The following MAP3K8 variants were observed in gnomAD, a reference collection of about 807,000 sequenced individuals.
The protein encoded by MAP3K8 is mitogen-activated protein kinase kinase kinase 8.
MAP3K8 carries 22 observed loss-of-function variants against 45.8 expected under a neutral mutation model. That is an observed-to-expected ratio of 0.48 (90% CI 0.34 to 0.69). The LOEUF is 0.69. MAP3K8 is among the 30% of genes least tolerant of loss of function. The probability of loss-of-function intolerance (pLI) is 0.01; values close to 1 mark genes in which losing one functional copy is unlikely to be tolerated. For synonymous variants in MAP3K8, 223 were observed against 214.3 expected (o/e 1.04, Z -0.36); for missense variants, 419 against 585.0 (o/e 0.72, Z 2.93).
intron 4 of MAP3K8, 124 bp from the exon 5 acceptor site, chr10:30,450,134 C>G: frequency 1.2e-6 from 1 of 830,188 alleles, no homozygotes; most frequent in Non-Finnish European, 1.8e-6. Context: ...AGTCCATTTT[C>G]ACACAGGGCA....
rs1020143600 is a variant in MAP3K8, at chr10:30,461,055, G to T, written c.*219G>T. On this transcript the variant is annotated 3_prime_UTR_variant, in exon 9 of 9. Transcript: ENST00000263056. ...TCAAGGTTCTCATTTCTCAGGTGACGTGATTCTAAGGCAGGAATTTGAGAG... is the reference window on the plus strand; with the variant it reads ...TCAAGGTTCTCATTTCTCAGGTGACTTGATTCTAAGGCAGGAATTTGAGAG... The T allele has an allele frequency of 9.0e-6, 4 of 445,044 alleles. No homozygotes were observed. Among genetic ancestry groups the T allele is most frequent in the African/African-American group, 4.0e-5 (2 of 49,492 alleles). The allele number at this position is 445,044 out of a possible 1,614,324, so 27.6% of individuals were successfully genotyped here.
Position 30,437,200 on chromosome 10 carries a change from G to C in MAP3K8, c.-230G>C. Reference sequence around the variant, plus strand: ...GATGCAATCTTCTTACCGCGAAGAAGCCAGGGGAATAGGTAGCCACATCTT... The same window carrying C: ...GATGCAATCTTCTTACCGCGAAGAACCCAGGGGAATAGGTAGCCACATCTT... On this transcript the variant is annotated 5_prime_UTR_variant, in exon 2 of 9. Transcript: ENST00000263056. The C allele has an allele frequency of 1.0e-6, 1 of 985,302 alleles. No individual in the cohort carries two copies. The highest frequency in any genetic ancestry group is 4.7e-5 in the South Asian group (1 of 21,276). The allele number at this position is 985,302 out of a possible 1,614,324, so 61.0% of individuals were successfully genotyped here. A position where few individuals can be genotyped will look rare whatever the true frequency, so the allele number is the denominator to read the frequency against.
chr10:30,453,915 A>AGAAGGAAGGAAGGGAG (rs1836639606), intron 6 of MAP3K8, among the ~76,000 whole-genome samples: 1 of 129,108 alleles, frequency 7.7e-6, no homozygotes, highest in African/African-American at 3.2e-5. Flanking sequence ...AGGGAGAGAG[A>AGAAGGAAGGAAGGGAG]GAAGGAAGGA....
At chr10:30,452,778 G>T (rs1336155691) in intron 6 of MAP3K8, among the ~76,000 whole-genome samples, 1 of 152,136 alleles carries the variant, frequency 6.6e-6, no homozygotes, top group Non-Finnish European at 1.5e-5. Flanking sequence ...CACCTCCTGG[G>T]TTCAAGCGCT....
At chr10:30,440,067 G>A (rs1836048457) in intron 3 of MAP3K8, among the ~76,000 whole-genome samples, 1 of 152,220 alleles carries the variant, frequency 6.6e-6, no homozygotes, top group South Asian at 2.1e-4. Flanking sequence ...CATTGGCAAA[G>A]TATGAATGGC....
At chr10:30,434,746 C>G in intron 1 of MAP3K8, 1 of 985,510 alleles carries the variant, frequency 1.0e-6, no homozygotes, top group Non-Finnish European at 1.2e-6. Context: ...TGCCCGAGAC[C>G]CGGTGAGTGC....
At chr10:30,452,770 C>A (rs901038513) in intron 6 of MAP3K8, among the ~76,000 whole-genome samples, 2 of 152,158 alleles carry the variant, frequency 1.3e-5, no homozygotes, top group Admixed American at 1.3e-4. Flanking sequence ...GTAATCTCCA[C>A]CTCCTGGGTT....
chr10:30,439,682 G>A (rs1022658112), intron 3 of MAP3K8, among the ~76,000 whole-genome samples: 13 of 152,216 alleles, frequency 8.5e-5, no homozygotes, highest in Admixed American at 3.3e-4. Flanking sequence ...GGTGGCGGGT[G>A]CCTGTAATTC....
At chr10:30,444,346 C>A (rs1363986194) in intron 3 of MAP3K8, among the ~76,000 whole-genome samples, 2 of 152,068 alleles carry the variant, frequency 1.3e-5, no homozygotes, top group African/African-American at 2.4e-5. Context: ...GCCTGTAATC[C>A]CAGCACCTTG....
chr10:30,451,605 A>T lies in MAP3K8; in HGVS notation c.767-33A>T, dbSNP rs773454053. The T allele has an allele frequency of 3.3e-5, 44 of 1,321,370 alleles. 1 individual carries two copies. In the South Asian group the frequency reaches 5.0e-4, roughly 15 times the overall value. 81.9% of individuals were successfully genotyped at this position (1,321,370 alleles called of 1,614,324 possible). A position where few individuals can be genotyped will look rare whatever the true frequency, so the allele number is the denominator to read the frequency against. The stretch of plus-strand genomic sequence containing the variant: ...CATTTGACTTATGGGTATATAAAAA[A>T]TTTTATCTTAAAAATATTTCCTCTC... On this transcript the variant is annotated intron_variant, in intron 5 of 8. Transcript: ENST00000263056.
chr10:30,457,461 T>C (rs898632656), intron 6 of MAP3K8, among the ~76,000 whole-genome samples: 1 of 152,224 alleles, frequency 6.6e-6, no homozygotes, highest in East Asian at 1.9e-4. Context: ...AGCAGTGTAA[T>C]GACAAACAGA....
At chr10:30,446,911 A>G (rs752571283) in intron 3 of MAP3K8, among the ~76,000 whole-genome samples, 1 of 151,942 alleles carries the variant, frequency 6.6e-6, no homozygotes, top group African/African-American at 2.4e-5. Context: ...TAAAATTTAT[A>G]TTGTGTTTTT....
intron 4 of MAP3K8, among the ~76,000 whole-genome samples, chr10:30,449,020 A>G (rs1271516591): frequency 6.6e-6 from 1 of 152,248 alleles, no homozygotes; most frequent in Non-Finnish European, 1.5e-5. Flanking sequence ...ATGATTTACA[A>G]CTATAATAAT....
chr10:30,451,594 G>A (rs1408267915), intron 5 of MAP3K8, 44 bp from the exon 6 acceptor site: 1 of 1,045,144 alleles, frequency 9.6e-7, no homozygotes, highest in Non-Finnish European at 1.4e-6. Context: ...TGACTTATGG[G>A]TATATAAAAA....
Position 30,439,447 on chromosome 10 carries a change from T to C in MAP3K8, c.336+173T>C, listed in dbSNP as rs1588765595. On this transcript the variant is annotated intron_variant, in intron 3 of 8. Coordinates refer to ENST00000263056, the MANE Select transcript of MAP3K8 (RefSeq NM_005204.4). ...GTTAAAGATGCAAAAAAAAAAGTCTTCATTAAAATTTCTATTTAAAGATTC... is the reference window on the plus strand; with the variant it reads ...GTTAAAGATGCAAAAAAAAAAGTCTCCATTAAAATTTCTATTTAAAGATTC... The C allele has an allele frequency of 2.4e-6, 3 of 1,243,946 alleles. No homozygotes were observed. The East Asian group carries it at 7.7e-5, about 32-fold the overall frequency. The allele number at this position is 1,243,946 out of a possible 1,614,324, so 77.1% of individuals were successfully genotyped here.
intron 3 of MAP3K8, 27 bp downstream of exon 3, chr10:30,439,301 G>C: frequency 6.2e-7 from 1 of 1,612,162 alleles, no homozygotes; most frequent in Non-Finnish European, 8.5e-7. Flanking sequence ...TCAGTTGGGT[G>C]CTATGTGCTC....
chr10:30,458,221 C>A lies in MAP3K8; in HGVS notation c.1011C>A (p.Pro337=). The change falls in exon 7 of 9, where the codon CCC becomes CCA. Residue 337 remains proline (P), a synonymous_variant. Transcript: ENST00000263056. The part of the protein sequence containing the change: ...WVKRYPRSAY[P]SYLYIIHKQA... ...AGCGCTACCCTCGCTCAGCCTATCC[C>A]TCCTACCTGTACATAGTAAGTGGGG... is the stretch of plus-strand genomic sequence containing the variant. The A allele has an allele frequency of 6.4e-7, 1 of 1,572,740 alleles. No individual in the cohort carries two copies.
At chr10:30,453,031 T>A (rs561920528) in intron 6 of MAP3K8, among the ~76,000 whole-genome samples, 1 of 152,268 alleles carries the variant, frequency 6.6e-6, no homozygotes, top group Admixed American at 6.5e-5. Flanking sequence ...TTATAATAAG[T>A]TTAGCACTTA....
At chr10:30,446,018 G>A (rs1159358661) in intron 3 of MAP3K8, among the ~76,000 whole-genome samples, 1 of 152,012 alleles carries the variant, frequency 6.6e-6, no homozygotes, top group Non-Finnish European at 1.5e-5. Context: ...GGTAGATCTG[G>A]GGATTTGTCA....
Sources: allele counts gnomAD v4.1 joint callset (sites outside exome capture counted in the v4.1 genomes callset), GRCh38; gene constraint gnomAD v4.1.1; transcripts MANE v1.5; gene names NCBI Gene and HGNC (gene_info 2026-07-23, HGNC 2026-07-21).